The following NEK4 variants were observed in gnomAD, a reference collection of about 807,000 sequenced individuals.
The protein encoded by NEK4 is serine/threonine-protein kinase Nek4.
A neutral mutation model predicts 98.4 loss-of-function variants in NEK4; 86 were observed. The observed-to-expected ratio is 0.87, with a 90% CI of 0.73 to 1.05. The LOEUF (loss-of-function observed/expected upper bound fraction) is 1.05, where lower values mean the gene tolerates loss of function less well. NEK4 is among the 50% of genes least tolerant of loss of function. The pLI, the probability that NEK4 is intolerant of heterozygous loss-of-function variation, is 0.00. For missense variants in NEK4, 898 were observed against 950.3 expected (o/e 0.94, Z 0.72); for synonymous variants, 328 against 342.2 (o/e 0.96, Z 0.46).
In NEK4 at chr3:52,767,835, T is replaced by C. The variant is rs76229347; in HGVS notation, c.360+503A>G. Among the ~76,000 whole-genome samples, 788 of 152,332 alleles carry C rather than the reference T, an allele frequency of 5.2e-3. 9 individuals are homozygous for C. Among genetic ancestry groups the C allele is most frequent in the African/African-American group, 0.018 (752 of 41,582 alleles). On this transcript the variant is annotated intron_variant, in intron 2 of 15. Coordinates refer to ENST00000233027, the MANE Select transcript of NEK4 (RefSeq NM_003157.6). ...TCATAAACGTCTCGCTTTTGAGTTA[T>C]ATGCATATTAAAACACAAACTTGTA...
At chr3:52,768,218 T>C (rs1698647338) in intron 2 of NEK4, 120 bp downstream of exon 2, 4 of 886,768 alleles carry the variant, frequency 4.5e-6, no homozygotes. Flanking sequence ...ACTTCACAAA[T>C]GAATTTTCCA....
intron 15 of NEK4, among the ~76,000 whole-genome samples, chr3:52,723,469 T>C (rs1195715098): frequency 6.6e-6 from 1 of 152,078 alleles, no homozygotes; most frequent in Non-Finnish European, 1.5e-5. Context: ...GTCGAACTCC[T>C]GACCTTAAGT....
intron 15 of NEK4, among the ~76,000 whole-genome samples, chr3:52,712,737 C>T (rs1261230311): frequency 2.0e-5 from 3 of 152,206 alleles, no homozygotes; most frequent in Non-Finnish European, 2.9e-5. Context: ...AACTCCACCT[C>T]GTTCTGCTGG....
chr3:52,760,773 T>C (rs779611991), intron 6 of NEK4, 22 bp downstream of exon 6: 10 of 1,576,570 alleles, frequency 6.3e-6, no homozygotes, highest in South Asian at 3.5e-5. Context: ...CTAAAACACA[T>C]ACCCTTTAAA....
At chr3:52,743,978 C>T (rs1187283388) in intron 11 of NEK4, among the ~76,000 whole-genome samples, 2 of 152,188 alleles carry the variant, frequency 1.3e-5, no homozygotes, top group African/African-American at 4.8e-5. Context: ...TGGTCTGAAA[C>T]CTCCCAGGAC....
intron 6 of NEK4, among the ~76,000 whole-genome samples, chr3:52,760,185 T>C (rs1698304822): frequency 6.6e-6 from 1 of 152,144 alleles, no homozygotes. Flanking sequence ...CACATTTAAT[T>C]GATCACTTTA....
At chr3:52,762,851 A>C (rs1295667979) in intron 5 of NEK4, among the ~76,000 whole-genome samples, 1 of 152,138 alleles carries the variant, frequency 6.6e-6, no homozygotes, top group East Asian at 1.9e-4. Flanking sequence ...ACTGCACTCC[A>C]GCCTGGGTGA....
rs913529462 is a variant in NEK4, at chr3:52,733,419, T to C, written c.2433+4167A>G. 1.3e-5 allele frequency: 5 copies of C among 383,828 alleles called. No individual in the cohort carries two copies. In the East Asian group the frequency reaches 2.6e-4, roughly 20 times the overall value. The allele number at this position is 383,828 out of a possible 1,614,324, so 23.8% of individuals were successfully genotyped here. The stretch of plus-strand genomic sequence containing the variant: ...GAGTGTTCAGGACTTAGCGCCCATC[T>C]TGTAATCCATTCTGGAGAAAAACCT... On this transcript the variant is annotated intron_variant, in intron 15 of 15. Transcript: ENST00000233027.
chr3:52,748,561 T>A (rs1375453734), intron 8 of NEK4, among the ~76,000 whole-genome samples: 1 of 152,170 alleles, frequency 6.6e-6, no homozygotes, highest in Non-Finnish European at 1.5e-5. Flanking sequence ...TTAATACAAA[T>A]TTATTTCCCA....
At position 52,709,308 on chromosome 3, in the gene NEK4, A is replaced by AAATT. The variant is rs2097347985; in HGVS notation, c.*2465_*2468dup. On this transcript the variant is annotated 3_prime_UTR_variant, in exon 16 of 16. Transcript: ENST00000233027. ...TTCACAGTCTTAAAGATGAGTTTTTAAATTAATTTAGGAAGATGAATTAAG... is the reference window on the plus strand; with the variant it reads ...TTCACAGTCTTAAAGATGAGTTTTTAAATTAATTAATTTAGGAAGATGAATTAAG... The AAATT allele has an allele frequency of 6.6e-6, 1 of 152,214 alleles. No individual in the cohort carries two copies. The highest frequency in any genetic ancestry group is 1.5e-5 in the Non-Finnish European group (1 of 68,054). 9.4% of individuals were successfully genotyped at this position (152,214 alleles called of 1,614,324 possible). A position where few individuals can be genotyped will look rare whatever the true frequency, so the allele number is the denominator to read the frequency against.
At chr3:52,754,774 T>C (rs758508135) in intron 6 of NEK4, 6 of 354,870 alleles carry the variant, frequency 1.7e-5, no homozygotes, top group Admixed American at 7.4e-5. Context: ...AATGGACAGC[T>C]TGAAAAACAA....
intron 6 of NEK4, chr3:52,754,625 C>A: frequency 1.2e-6 from 1 of 825,828 alleles, no homozygotes; most frequent in South Asian, 1.3e-5. Flanking sequence ...TACGTGTCGC[C>A]GGCCTGTCAT....
At chr3:52,766,911 G>A (rs1016633381) in intron 2 of NEK4, among the ~76,000 whole-genome samples, 18 of 152,128 alleles carry the variant, frequency 1.2e-4, no homozygotes, top group Non-Finnish European at 2.5e-4. Flanking sequence ...GCGTGAACCC[G>A]GGAAGCGGAG....
intron 15 of NEK4, among the ~76,000 whole-genome samples, chr3:52,730,020 A>G (rs2097368120): frequency 6.6e-6 from 1 of 152,190 alleles, no homozygotes; most frequent in South Asian, 2.1e-4. Flanking sequence ...AGGCAGGAGA[A>G]TCCCTTGAAA....
chr3:52,738,049 G>A (rs893977418), intron 14 of NEK4, among the ~76,000 whole-genome samples: 4 of 151,988 alleles, frequency 2.6e-5, no homozygotes, highest in African/African-American at 9.6e-5. Flanking sequence ...TCCTGACCTC[G>A]TGACCCACCC....
chr3:52,716,187 G>A (rs1455775939), intron 15 of NEK4, among the ~76,000 whole-genome samples: 1 of 152,198 alleles, frequency 6.6e-6, no homozygotes, highest in Non-Finnish European at 1.5e-5. Context: ...ATGGGATACA[G>A]GTTGGTAATA....
At chr3:52,767,862 G>C (rs1004478828) in intron 2 of NEK4, among the ~76,000 whole-genome samples, 1 of 152,084 alleles carries the variant, frequency 6.6e-6, no homozygotes, top group Non-Finnish European at 1.5e-5. Context: ...AAACTTGTAG[G>C]AACACTTATT....
At chr3:52,770,141 C>A (rs1185037770) in intron 1 of NEK4, among the ~76,000 whole-genome samples, 1 of 152,082 alleles carries the variant, frequency 6.6e-6, no homozygotes, top group East Asian at 1.9e-4. Context: ...GGGTTGGTGT[C>A]ACTATTCACT....
Position 52,768,400 on chromosome 3 carries a change from C to G in NEK4, c.298G>C (p.Gly100Arg), listed in dbSNP as rs1698654969. Residue 100 changes from glycine to arginine, a missense_variant, in exon 2 of 16, where the codon GGG becomes CGG. Coordinates refer to ENST00000233027, the MANE Select transcript of NEK4 (RefSeq NM_003157.6). ...ACCTGATTCTCAGGCAGAAGCTGCCCTTTCTGCTCCTTGAGCTTTCGGTAC... is the reference window on the plus strand; with the variant it reads ...ACCTGATTCTCAGGCAGAAGCTGCCGTTTCTGCTCCTTGAGCTTTCGGTAC... ...DLYRKLKEQK[G>R]QLLPENQVVE... The G allele has an allele frequency of 2.5e-6, 4 of 1,614,078 alleles. No homozygotes were observed. Among genetic ancestry groups the G allele is most frequent in the Non-Finnish European group, 3.4e-6 (4 of 1,179,948 alleles).
Sources: allele counts gnomAD v4.1 joint callset (sites outside exome capture counted in the v4.1 genomes callset), GRCh38; gene constraint gnomAD v4.1.1; transcripts MANE v1.5; gene names NCBI Gene and HGNC (gene_info 2026-07-23, HGNC 2026-07-21).